Variants in ZNF804B observed in about 807,000 individuals in gnomAD.
ZNF804B encodes zinc finger protein 804B, also known as zinc finger 804B.
Under a neutral mutation model 101.4 loss-of-function variants are expected in ZNF804B, and 80 were observed. That is an observed-to-expected ratio of 0.79 (90% CI 0.66 to 0.95). The LOEUF is 0.95. Among genes scored for constraint, ZNF804B ranks in the 40% least tolerant of loss-of-function variants. The pLI is 0.00. For synonymous variants in ZNF804B, 622 were observed against 558.8 expected, an observed-to-expected ratio of 1.11 and a Z score of -1.59; for missense variants, 1,673 against 1,561.9, an observed-to-expected ratio of 1.07 and a Z score of -1.20.
At chr7:89,171,362 C>G (rs28676861) in intron 1 of ZNF804B, among the ~76,000 whole-genome samples, 1,000 of 86,772 alleles carry the variant, frequency 0.012, 29 homozygotes, top group African/African-American at 0.039. Context: ...CTTCTTCCTC[C>G]TCTTCCTCTT....
intron 2 of ZNF804B, among the ~76,000 whole-genome samples, chr7:89,307,822 T>TA (rs746961683): frequency 2.5e-4 from 38 of 152,006 alleles, no homozygotes; most frequent in Non-Finnish European, 4.9e-4. Context: ...ACTCTGAAAA[T>TA]ACAACCCAGT....
intron 1 of ZNF804B, among the ~76,000 whole-genome samples, chr7:89,034,253 A>ACATT (rs1788886527): frequency 6.6e-6 from 1 of 152,092 alleles, no homozygotes. Flanking sequence ...TTGAAGTTTT[A>ACATT]CATTTATTTA....
At chr7:88,858,217 G>C (rs1356369583) in intron 1 of ZNF804B, among the ~76,000 whole-genome samples, 1 of 152,014 alleles carries the variant, frequency 6.6e-6, no homozygotes, top group African/African-American at 2.4e-5. Flanking sequence ...CCTCAAATTA[G>C]GCTAACCTCT....
At chr7:89,304,561 G>C (rs62469463) in intron 2 of ZNF804B, among the ~76,000 whole-genome samples, 38,483 of 151,656 alleles carry the variant, frequency 0.25, 5,019 homozygotes, top group Admixed American at 0.29. Flanking sequence ...GTCTATCTGT[G>C]TAGACATAAG....
In ZNF804B at chr7:89,035,128, T is replaced by C. The variant is rs1455117083; in HGVS notation, c.109-183027T>C. ...GTATTTTAGAAGACGAGATTTTACC[T>C]AAATTTTCAATAAGTGTTCTAAACT... On this transcript the variant is annotated intron_variant, in intron 1 of 3. Coordinates refer to ENST00000333190, the MANE Select transcript of ZNF804B (RefSeq NM_181646.5). Among the ~76,000 whole-genome samples the C allele has an allele frequency of 3.9e-5, 6 of 152,168 alleles. No individual in the cohort carries two copies. The East Asian group carries it at 1.2e-3, about 29-fold the overall frequency.
intron 1 of ZNF804B, among the ~76,000 whole-genome samples, chr7:89,013,166 G>A (rs1788490987): frequency 6.6e-6 from 1 of 152,160 alleles, no homozygotes; most frequent in Non-Finnish European, 1.5e-5. Flanking sequence ...TGAGATTTGG[G>A]TAGGGACACA....
chr7:88,884,415 T>G (rs1792089125), intron 1 of ZNF804B, among the ~76,000 whole-genome samples: 1 of 151,802 alleles, frequency 6.6e-6, no homozygotes, highest in South Asian at 2.1e-4. Flanking sequence ...ATATTTATTT[T>G]GCTTTATATC....
intron 1 of ZNF804B, among the ~76,000 whole-genome samples, chr7:88,946,267 A>G (rs1365850680): frequency 1.4e-5 from 2 of 146,564 alleles, no homozygotes; most frequent in East Asian, 4.3e-4. Context: ...TTCCATCGAT[A>G]CCTAGTTTAT....
chr7:88,903,893 A>G (rs1792429084), intron 1 of ZNF804B, among the ~76,000 whole-genome samples: 1 of 152,132 alleles, frequency 6.6e-6, no homozygotes, highest in African/African-American at 2.4e-5. Flanking sequence ...GCCATTCTGT[A>G]GGTTTTCTGT....
chr7:89,075,751 G>T (rs1046478591), intron 1 of ZNF804B, among the ~76,000 whole-genome samples: 2 of 152,158 alleles, frequency 1.3e-5, no homozygotes, highest in African/African-American at 4.8e-5. Flanking sequence ...CATGTGCCTG[G>T]AAAAGCCATA....
intron 1 of ZNF804B, among the ~76,000 whole-genome samples, chr7:88,795,333 T>C (rs546249276): frequency 6.6e-6 from 1 of 151,780 alleles, no homozygotes; most frequent in Admixed American, 6.6e-5. Flanking sequence ...CTTTTACAAA[T>C]CTAACTGATC....
At chr7:89,177,712 C>A (rs1181513408) in intron 1 of ZNF804B, among the ~76,000 whole-genome samples, 2 of 152,068 alleles carry the variant, frequency 1.3e-5, no homozygotes, top group East Asian at 3.9e-4. Context: ...GTGTTGAATT[C>A]TCCAGCTATT....
chr7:89,126,958 T>C (rs1790483305), intron 1 of ZNF804B, among the ~76,000 whole-genome samples: 1 of 151,684 alleles, frequency 6.6e-6, no homozygotes, highest in African/African-American at 2.4e-5. Flanking sequence ...AAAACAAACA[T>C]GAAAATAATG....
At chr7:88,921,423 G>C (rs1404167969) in intron 1 of ZNF804B, among the ~76,000 whole-genome samples, 1 of 152,100 alleles carries the variant, frequency 6.6e-6, no homozygotes, top group Non-Finnish European at 1.5e-5. Context: ...AGGTTCCTCT[G>C]AGAAGTGAGT....
chr7:89,230,071 T>C (rs972877627), intron 2 of ZNF804B, among the ~76,000 whole-genome samples: 2 of 151,828 alleles, frequency 1.3e-5, no homozygotes, highest in Non-Finnish European at 2.9e-5. Flanking sequence ...AATGTTATAT[T>C]GAAAAAAGAA....
chr7:89,244,667 A>C (rs1395501001), intron 2 of ZNF804B, among the ~76,000 whole-genome samples: 2 of 152,158 alleles, frequency 1.3e-5, no homozygotes, highest in Non-Finnish European at 2.9e-5. Flanking sequence ...CAAAAGATAA[A>C]TACTGGGGAA....
intron 2 of ZNF804B, among the ~76,000 whole-genome samples, chr7:89,262,744 G>GT (rs1351658248): frequency 6.6e-6 from 1 of 151,932 alleles, no homozygotes; most frequent in Non-Finnish European, 1.5e-5. Context: ...AGTTTGCTTA[G>GT]TTTTTTGTTA....
chr7:89,298,232 A>G (rs1188079297), intron 2 of ZNF804B, among the ~76,000 whole-genome samples: 8 of 102,578 alleles, frequency 7.8e-5, no homozygotes, highest in African/African-American at 2.5e-4. Flanking sequence ...ATATATATAT[A>G]TATATATATA....
intron 1 of ZNF804B, among the ~76,000 whole-genome samples, chr7:88,798,248 T>A (rs1586907577): frequency 1.3e-5 from 2 of 152,102 alleles, no homozygotes; most frequent in Admixed American, 1.3e-4. Context: ...GTGTGCTTTT[T>A]GTTTTCCTTT....
Sources: allele counts gnomAD v4.1 joint callset (sites outside exome capture counted in the v4.1 genomes callset), GRCh38; gene constraint gnomAD v4.1.1; transcripts MANE v1.5; gene names NCBI Gene and HGNC (gene_info 2026-07-23, HGNC 2026-07-21).